ANKRD36: variants seen among roughly 807,000 people sequenced by gnomAD.
ANKRD36 encodes the protein ankyrin repeat domain-containing protein 36A.
Under a neutral mutation model 278.1 loss-of-function variants are expected in ANKRD36, and 179 were observed. That is an observed-to-expected ratio of 0.64 (90% CI 0.57 to 0.73). ANKRD36 has a LOEUF of 0.73. Among genes scored for constraint, ANKRD36 ranks in the 30% least tolerant of loss-of-function variants. ANKRD36 has a pLI of 0.00. For synonymous variants in ANKRD36, 320 were observed against 641.1 expected (o/e 0.50, Z 7.57); for missense variants, 1,159 against 1,956.7 (o/e 0.59, Z 7.69).
chr2:97,226,644 T>A (rs1303128384), intron 67 of ANKRD36, among the ~76,000 whole-genome samples: 1 of 152,044 alleles, frequency 6.6e-6, no homozygotes, highest in African/African-American at 2.4e-5. Context: ...ATCCCATCTG[T>A]CAATTTTGGC....
chr2:97,203,487 G>T (rs1249281016), intron 48 of ANKRD36, among the ~76,000 whole-genome samples: 1 of 151,846 alleles, frequency 6.6e-6, no homozygotes, highest in Non-Finnish European at 1.5e-5. Flanking sequence ...ACACCATATG[G>T]GGGTGAGAGA....
chr2:97,207,009 C>A (rs201062750), intron 52 of ANKRD36, among the ~76,000 whole-genome samples: 4 of 151,466 alleles, frequency 2.6e-5, no homozygotes, highest in African/African-American at 9.7e-5. Flanking sequence ...TCCTAAAATG[C>A]TCATTTTCAA....
At chr2:97,161,597 C>T (rs1261203519) in intron 17 of ANKRD36, among the ~76,000 whole-genome samples, 1 of 152,214 alleles carries the variant, frequency 6.6e-6, no homozygotes, top group Non-Finnish European at 1.5e-5. Flanking sequence ...GAAACATTTA[C>T]ATTCTAGCAT....
chr2:97,140,408 T>C (rs1045532908), intron 6 of ANKRD36, among the ~76,000 whole-genome samples: 4 of 152,006 alleles, frequency 2.6e-5, no homozygotes, highest in African/African-American at 9.7e-5. Flanking sequence ...CTCCACAAAG[T>C]CTTACGTATG....
chr2:97,211,603 C>A, intron 57 of ANKRD36, 29 bp downstream of exon 57: 1 of 1,604,978 alleles, frequency 6.2e-7, no homozygotes, highest in East Asian at 2.3e-5. Flanking sequence ...ATATTTTGAA[C>A]TATTAACTGT....
chr2:97,193,508 G>A (rs552218800), intron 38 of ANKRD36, among the ~76,000 whole-genome samples: 24 of 125,668 alleles, frequency 1.9e-4, no homozygotes, highest in African/African-American at 6.2e-4. Context: ...TAAGGAAGAC[G>A]GATTGTGAGG....
chr2:97,216,710 T>C (rs1159847163), intron 62 of ANKRD36: 1 of 339,024 alleles, frequency 2.9e-6, no homozygotes, highest in African/African-American at 2.2e-5. Context: ...TGAAGTGTCA[T>C]TGTAATTGTG....
At chr2:97,176,971 C>G (rs574768925) in intron 22 of ANKRD36, among the ~76,000 whole-genome samples, 2 of 151,854 alleles carry the variant, frequency 1.3e-5, no homozygotes, top group Non-Finnish European at 2.9e-5. Context: ...TAAGCAACTT[C>G]AGCAAAGTCT....
intron 8 of ANKRD36, among the ~76,000 whole-genome samples, chr2:97,143,148 G>C (rs2043347298): frequency 6.6e-6 from 1 of 151,896 alleles, no homozygotes; most frequent in Non-Finnish European, 1.5e-5. Flanking sequence ...AAGGGAAGGA[G>C]AAAGAGATTA....
Position 97,217,353 on chromosome 2 carries a change from C to T in ANKRD36, c.3756C>T (p.Gly1252=), listed in dbSNP as rs1292922746. ...SLLNIATRIT[G]GWKSGTEYPE... Reference sequence around the variant, plus strand: ...TGAATATTGCCACAAGAATAACAGGCGGTTGGAAATCTGGAACAGGTAATT... The same window carrying T: ...TGAATATTGCCACAAGAATAACAGGTGGTTGGAAATCTGGAACAGGTAATT... The change falls in exon 64 of 76, where the codon GGC becomes GGT. Residue 1252 remains glycine, a synonymous_variant. Transcript: ENST00000420699. The T allele has an allele frequency of 1.4e-5, 21 of 1,550,026 alleles. 1 individual carries two copies. The highest frequency in any genetic ancestry group is 4.8e-5 in the South Asian group (4 of 83,760).
At position 97,192,864 on chromosome 2, in the gene ANKRD36, C is replaced by T. The variant is rs1558637897; in HGVS notation, c.2354C>T (p.Ser785Phe). 6.2e-7 allele frequency: 1 copy of T among 1,603,570 alleles called. No individual in the cohort carries two copies. The highest frequency in any genetic ancestry group is 8.5e-7 in the Non-Finnish European group (1 of 1,177,526). ...KDGEKSGTVS[S>F]QKPPALTATS... is the part of the protein sequence containing the mutation. ...TATCCCTTTTGCTTTTCAGTGTCTT[C>T]TCAGAAACCACCAGCCTTGACGGTA... Residue 785 changes from serine to phenylalanine, a missense_variant, in exon 37 of 76, where the codon TCT becomes TTT. Transcript: ENST00000420699.
chr2:97,180,045 C>T lies in ANKRD36; in HGVS notation c.1735+112C>T, dbSNP rs77761871. On this transcript the variant is annotated intron_variant, in intron 24 of 75. Coordinates refer to ENST00000420699, the MANE Select transcript of ANKRD36 (RefSeq NM_001354587.1). ...CTAAGCTGCACGTTCTGATTCAGTA[C>T]ACCTGAGATTCTTCATTTGTAGTGA... The T allele has an allele frequency of 4.0e-6, 6 of 1,497,486 alleles. No individual in the cohort carries two copies. In the South Asian group the frequency reaches 6.0e-5, roughly 15 times the overall value. 92.8% of individuals were successfully genotyped at this position (1,497,486 alleles called of 1,614,324 possible). A position where few individuals can be genotyped will look rare whatever the true frequency, so the allele number is the denominator to read the frequency against.
intron 3 of ANKRD36, among the ~76,000 whole-genome samples, chr2:97,120,872 CA>C (rs1251098829): frequency 6.6e-6 from 1 of 152,052 alleles, no homozygotes; most frequent in African/African-American, 2.4e-5. Flanking sequence ...GACTCGTGCA[CA>C]GATCTGGATT....
rs1424326235 is a variant in ANKRD36 at position 97,204,076 on chromosome 2, G to A, written c.2968G>A (p.Glu990Lys). The A allele has an allele frequency of 1.3e-6, 2 of 1,573,524 alleles. No individual in the cohort carries two copies. The change falls in exon 49 of 76, where the codon GAG becomes AAG. Residue 990 changes from glutamate to lysine, a missense_variant. Physicochemically the swap from Glu to Lys is moderately conservative, Grantham distance 56. Coordinates refer to ENST00000420699, the MANE Select transcript of ANKRD36 (RefSeq NM_001354587.1). ...DGEKSRTVSS[E>K]KPPGLKATSD... ...TCCCTTTTACTTTTCAGTGTCTTCT[G>A]AGAAACCACCAGGCTTGAAGGTAAT...
chr2:97,192,720 C>T, intron 36 of ANKRD36, 138 bp from the exon 37 acceptor site: 1 of 1,253,198 alleles, frequency 8.0e-7, no homozygotes, highest in Non-Finnish European at 1.1e-6. Context: ...GTTCTAGTCC[C>T]CAGACTAAAA....
At chr2:97,198,398 A>G (rs1575706456) in intron 42 of ANKRD36, 65 bp from the exon 43 acceptor site, 3 of 1,551,762 alleles carry the variant, frequency 1.9e-6, no homozygotes, top group East Asian at 4.9e-5. Flanking sequence ...CTAACACTGT[A>G]TGAATGTATG....
intron 4 of ANKRD36, among the ~76,000 whole-genome samples, chr2:97,123,670 C>T (rs1475880950): frequency 1.6e-5 from 2 of 124,202 alleles, no homozygotes; most frequent in Non-Finnish European, 3.6e-5. Flanking sequence ...GAGCAAGGTG[C>T]TGATGTTTTG....
Position 97,211,726 on chromosome 2 carries a change from C to T in ANKRD36, c.3454C>T (p.Gln1152Ter). The change falls in exon 58 of 76, where the codon CAA becomes TAA. Residue 1152 changes from glutamine (Q) to a stop codon, truncating the protein, a stop_gained. Coordinates refer to ENST00000420699, the MANE Select transcript of ANKRD36 (RefSeq NM_001354587.1). LOFTEE classifies it high-confidence loss of function. ...TATGGCCACGGAAAAAAAGGATGAACAAATATCTGGGACAGGTAATTTTGC... is the reference window on the plus strand; with the variant it reads ...TATGGCCACGGAAAAAAAGGATGAATAAATATCTGGGACAGGTAATTTTGC... ...PNMATEKKDE[Q>*]ISGTVSCQKQ... 6.3e-7 allele frequency: 1 copy of T among 1,585,126 alleles called. No homozygotes were observed. The highest frequency in any genetic ancestry group is 8.6e-7 in the Non-Finnish European group (1 of 1,166,634).
chr2:97,202,467 C>T lies in ANKRD36; in HGVS notation c.2959+74C>T, dbSNP rs975220700. The T allele has an allele frequency of 3.0e-5, 46 of 1,530,140 alleles. No homozygotes were observed. In the South Asian group the frequency reaches 3.7e-4, roughly 12 times the overall value. The allele number at this position is 1,530,140 out of a possible 1,614,324, so 94.8% of individuals were successfully genotyped here. On this transcript the variant is annotated intron_variant, in intron 48 of 75. Coordinates refer to ENST00000420699, the MANE Select transcript of ANKRD36 (RefSeq NM_001354587.1). ...AAGTTCTCTTCCCCAAATAAATCAG[C>T]GGGGGGCTCGTCGAAGCTGCACTTT...
Sources: gnomAD v4.1 joint callset for allele counts (sites outside exome capture counted in the v4.1 genomes callset) on GRCh38, gnomAD v4.1.1 for gene constraint, MANE v1.5 for transcripts, NCBI Gene and HGNC (gene_info 2026-07-23, HGNC 2026-07-21) for gene names.